The following ASTN2 variants were observed in gnomAD, a reference collection of about 807,000 sequenced individuals.
ASTN2 encodes astrotactin 2.
Under a neutral mutation model 139.8 loss-of-function variants are expected in ASTN2, and 54 were observed. The observed-to-expected ratio is 0.39, with a 90% CI of 0.31 to 0.48. ASTN2 has a LOEUF of 0.48. Among genes scored for constraint, ASTN2 ranks in the 20% least tolerant of loss-of-function variants. The probability of loss-of-function intolerance (pLI) is 0.95; values close to 1 mark genes in which losing one functional copy is unlikely to be tolerated. For missense variants in ASTN2, 1,565 were observed against 1,725.1 expected (o/e 0.91, Z 1.64); for synonymous variants, 756 against 719.5 (o/e 1.05, Z -0.81).
intron 20 of ASTN2, among the ~76,000 whole-genome samples, chr9:116,480,761 C>G (rs1849141519): frequency 2.0e-5 from 3 of 152,122 alleles, no homozygotes; most frequent in Admixed American, 6.5e-5. Context: ...GGAAAGAGAA[C>G]AGTAGAGGCA....
chr9:116,574,701 T>C (rs1166010897), intron 19 of ASTN2, among the ~76,000 whole-genome samples: 1 of 152,216 alleles, frequency 6.6e-6, no homozygotes, highest in Admixed American at 6.5e-5. Flanking sequence ...TGCTTGCCCG[T>C]TTCTACCGAC....
At chr9:116,756,749 T>C (rs115877923) in intron 13 of ASTN2, among the ~76,000 whole-genome samples, 1,833 of 147,918 alleles carry the variant, frequency 0.012, 46 homozygotes, top group African/African-American at 0.043. Context: ...TCTCCAGTTA[T>C]CTATAAGATG....
At chr9:117,336,090 T>C (rs1004580613) in intron 1 of ASTN2, among the ~76,000 whole-genome samples, 2 of 144,286 alleles carry the variant, frequency 1.4e-5, no homozygotes, top group African/African-American at 2.5e-5. Flanking sequence ...CCACCAGGCA[T>C]ACACAAAAAT....
chr9:117,087,174 A>G (rs1457099891), intron 5 of ASTN2, among the ~76,000 whole-genome samples: 6 of 152,134 alleles, frequency 3.9e-5, no homozygotes, highest in African/African-American at 1.2e-4. Flanking sequence ...CATTTTCAAG[A>G]AAAATGTTTA....
chr9:116,894,852 A>C (rs1402220778), intron 10 of ASTN2, among the ~76,000 whole-genome samples: 3 of 152,224 alleles, frequency 2.0e-5, no homozygotes, highest in Non-Finnish European at 4.4e-5. Flanking sequence ...GGTCTTCCTG[A>C]CACCCAAACC....
chr9:116,922,178 A>T (rs1232358714), intron 10 of ASTN2, among the ~76,000 whole-genome samples: 1 of 152,246 alleles, frequency 6.6e-6, no homozygotes, highest in East Asian at 1.9e-4. Context: ...TTACTAAGTC[A>T]AAAGCTATCT....
intron 13 of ASTN2, among the ~76,000 whole-genome samples, chr9:116,782,525 C>A (rs944424517): frequency 1.3e-5 from 2 of 152,192 alleles, no homozygotes; most frequent in African/African-American, 4.8e-5. Context: ...TTTCACCTCC[C>A]TGGGGACTGC....
intron 1 of ASTN2, among the ~76,000 whole-genome samples, chr9:117,305,033 C>T (rs971433212): frequency 2.6e-5 from 4 of 152,204 alleles, no homozygotes; most frequent in Non-Finnish European, 4.4e-5. Flanking sequence ...GGGTCAGACA[C>T]GAGAAGTCCT....
At chr9:117,030,771 A>G (rs1838224201) in intron 6 of ASTN2, among the ~76,000 whole-genome samples, 1 of 151,948 alleles carries the variant, frequency 6.6e-6, no homozygotes, top group East Asian at 1.9e-4. Flanking sequence ...AAAAAAAAAA[A>G]GAATTCTACT....
At position 116,899,110 on chromosome 9, in the gene ASTN2, G is replaced by A. The variant is rs568007736; in HGVS notation, c.1890-35377C>T. ...TATAGTGCCAGTTGATATTGGAACT[G>A]AGCAACCATTCAGCTACACATGAAT... On this transcript the variant is annotated intron_variant, in intron 10 of 22. Coordinates refer to ENST00000313400, the MANE Select transcript of ASTN2 (RefSeq NM_001365068.1). Among the ~76,000 whole-genome samples the A allele has an allele frequency of 3.9e-5, 6 of 152,300 alleles. No homozygotes were observed. The East Asian group carries it at 1.2e-3, about 29-fold the overall frequency.
intron 19 of ASTN2, among the ~76,000 whole-genome samples, chr9:116,507,286 C>T (rs930595132): frequency 1.3e-5 from 2 of 152,170 alleles, no homozygotes; most frequent in African/African-American, 4.8e-5. Context: ...TGTCACCTGA[C>T]ATCCTCAGAG....
intron 10 of ASTN2, among the ~76,000 whole-genome samples, chr9:116,963,295 T>A (rs1835920018): frequency 6.6e-6 from 1 of 152,122 alleles, no homozygotes; most frequent in Admixed American, 6.5e-5. Flanking sequence ...TGGGCTATTT[T>A]AGGCAGAGGG....
chr9:116,795,407 T>C (rs1181091788), intron 13 of ASTN2, among the ~76,000 whole-genome samples: 1 of 152,234 alleles, frequency 6.6e-6, no homozygotes, highest in East Asian at 1.9e-4. Flanking sequence ...CCCACATTCC[T>C]AATAAGATGT....
chr9:116,836,752 C>T (rs1268032881), intron 11 of ASTN2, among the ~76,000 whole-genome samples: 1 of 152,054 alleles, frequency 6.6e-6, no homozygotes, highest in Non-Finnish European at 1.5e-5. Flanking sequence ...GTCTGCAATG[C>T]TCCACCTTTC....
intron 4 of ASTN2, among the ~76,000 whole-genome samples, chr9:117,128,872 T>C (rs1186331949): frequency 6.6e-6 from 1 of 152,068 alleles, no homozygotes; most frequent in Non-Finnish European, 1.5e-5. Context: ...AAAGAGAGAA[T>C]GAGGAAGATG....
intron 3 of ASTN2, among the ~76,000 whole-genome samples, chr9:117,186,898 AG>A (rs1207122888): frequency 4.6e-5 from 7 of 152,228 alleles, no homozygotes; most frequent in Non-Finnish European, 1.0e-4. Context: ...TGGGAGGCCA[AG>A]GAGGGCAGAT....
chr9:116,849,383 T>C (rs1588351256), intron 11 of ASTN2, among the ~76,000 whole-genome samples: 1 of 152,174 alleles, frequency 6.6e-6, no homozygotes, highest in African/African-American at 2.4e-5. Context: ...ACCCTGAAGC[T>C]ACCTAAGGGT....
intron 3 of ASTN2, among the ~76,000 whole-genome samples, chr9:117,194,874 C>T (rs1042576719): frequency 6.6e-6 from 1 of 152,158 alleles, no homozygotes; most frequent in Non-Finnish European, 1.5e-5. Context: ...AAATGCTAAA[C>T]AAGATTTGTC....
At chr9:117,210,853 A>G (rs917333596) in intron 3 of ASTN2, among the ~76,000 whole-genome samples, 1 of 152,112 alleles carries the variant, frequency 6.6e-6, no homozygotes, top group Non-Finnish European at 1.5e-5. Flanking sequence ...ATAATACACC[A>G]TGATCAAGTG....
Sources: gnomAD v4.1 joint callset for allele counts (sites outside exome capture counted in the v4.1 genomes callset) on GRCh38, gnomAD v4.1.1 for gene constraint, MANE v1.5 for transcripts, NCBI Gene and HGNC (gene_info 2026-07-23, HGNC 2026-07-21) for gene names.